TDRD9: variants seen among roughly 807,000 people sequenced by gnomAD.
TDRD9 encodes the protein tudor domain containing 9, also known as ATP-dependent RNA helicase TDRD9.
A neutral mutation model predicts 172.6 loss-of-function variants in TDRD9; 124 were observed. The observed-to-expected ratio is 0.72, with a 90% CI of 0.62 to 0.83. The LOEUF (loss-of-function observed/expected upper bound fraction) is 0.83, where lower values mean the gene tolerates loss of function less well. Ranked by LOEUF, TDRD9 falls within the 40% of genes least tolerant of loss-of-function variation. The pLI, the probability that TDRD9 is intolerant of heterozygous loss-of-function variation, is 0.00. For synonymous variants in TDRD9, 619 were observed against 617.1 expected (o/e 1.00, Z -0.05); for missense variants, 1,479 against 1,714.1 (o/e 0.86, Z 2.42).
intron 34 of TDRD9, among the ~76,000 whole-genome samples, chr14:104,043,840 G>C (rs1216731723): frequency 6.6e-6 from 1 of 152,166 alleles, no homozygotes; most frequent in African/African-American, 2.4e-5. Context: ...CATAAGTATT[G>C]TCGGGAAAGG....
Position 104,034,379 on chromosome 14 carries a change from A to G in TDRD9, c.3619+310A>G, listed in dbSNP as rs1043543596. Among the ~76,000 whole-genome samples the G allele has an allele frequency of 2.0e-5, 3 of 151,774 alleles. 1 individual carries two copies. Among genetic ancestry groups the G allele is most frequent in the Non-Finnish European group, 4.4e-5 (3 of 67,938 alleles). On this transcript the variant is annotated intron_variant, in intron 31 of 35. Coordinates refer to ENST00000409874, the MANE Select transcript of TDRD9 (RefSeq NM_153046.3). ...CTAATTTTTTGTATTTTTAGTAGAG[A>G]TGGGGTTTCACTGTGTTAGCCAGGA... is the stretch of plus-strand genomic sequence containing the variant.
intron 7 of TDRD9, among the ~76,000 whole-genome samples, 153 bp downstream of exon 7, chr14:103,975,706 G>A (rs749867643): frequency 3.9e-5 from 6 of 152,140 alleles, no homozygotes; most frequent in Non-Finnish European, 8.8e-5. Flanking sequence ...GTATAGTGTG[G>A]TATTTTGATA....
chr14:104,035,064 C>T lies in TDRD9; in HGVS notation c.3716+8C>T. On this transcript the variant is annotated splice_region_variant and intron_variant, in intron 32 of 35. Coordinates refer to ENST00000409874, the MANE Select transcript of TDRD9 (RefSeq NM_153046.3). ...ACCGGTGATAGAGTTAAGGTACGGG[C>T]ATCCCTCTTGTCTATAGGCTTTGTA... 1 of 1,548,848 alleles carries T rather than the reference C, an allele frequency of 6.5e-7. No individual in the cohort carries two copies.
rs58128911 is a variant in TDRD9 at position 104,025,468 on chromosome 14, T to A, written c.2719-96T>A. ...GAGGATTAACGCTGGTGAGGTGTCG[T>A]ACAGCACAGGGTGTCAGCCCTATGA... On this transcript the variant is annotated intron_variant, in intron 25 of 35. Coordinates refer to ENST00000409874, the MANE Select transcript of TDRD9 (RefSeq NM_153046.3). 4.4e-6 allele frequency: 4 copies of A among 902,924 alleles called. No homozygotes were observed. In the African/African-American group the frequency reaches 5.0e-5, roughly 11 times the overall value. 55.9% of individuals were successfully genotyped at this position (902,924 alleles called of 1,614,324 possible).
rs997769877 is a variant in TDRD9 at position 104,026,089 on chromosome 14, CAT to C, written c.2975_2976del (p.His992ProfsTer11). 6.2e-7 allele frequency: 1 copy of C among 1,611,408 alleles called. No individual in the cohort carries two copies. The highest frequency in any genetic ancestry group is 8.5e-7 in the Non-Finnish European group (1 of 1,177,738). On this transcript the variant is annotated frameshift_variant, in exon 27 of 36. Transcript: ENST00000409874. LOFTEE classifies it high-confidence loss of function. ...DYGNKSHVDL[H>X]LLMEIPCQFL... ...TGGCAATAAGTCTCATGTAGATCTA[CAT>C]CTTTTGATGGAGATTCCCTGTCAAT...
chr14:104,012,658 C>A (rs2034649627), intron 20 of TDRD9, among the ~76,000 whole-genome samples: 1 of 152,160 alleles, frequency 6.6e-6, no homozygotes, highest in African/African-American at 2.4e-5. Flanking sequence ...TTATGAGCAG[C>A]TTTAGCCACC....
intron 8 of TDRD9, among the ~76,000 whole-genome samples, chr14:103,990,318 G>T (rs951665554): frequency 6.6e-6 from 1 of 152,214 alleles, no homozygotes; most frequent in Non-Finnish European, 1.5e-5. Flanking sequence ...GACCATGGAT[G>T]CTGAGCTGCC....
intron 28 of TDRD9, among the ~76,000 whole-genome samples, chr14:104,028,879 G>A (rs1252040036): frequency 6.6e-6 from 1 of 152,174 alleles, no homozygotes; most frequent in African/African-American, 2.4e-5. Context: ...TAGGGGTTTA[G>A]TGTTATTCTT....
chr14:104,022,729 A>AAAAT lies in TDRD9; in HGVS notation c.2606+431_2606+434dup, dbSNP rs139166055. ...GCGACAGAACAAGACGCTGTCTTAAAAAATAAATAAATAAATAAATAAATA... is the reference window on the plus strand; with the variant it reads ...GCGACAGAACAAGACGCTGTCTTAAAAAATAAATAAATAAATAAATAAATAAATA... On this transcript the variant is annotated intron_variant, in intron 24 of 35. Coordinates refer to ENST00000409874, the MANE Select transcript of TDRD9 (RefSeq NM_153046.3). Among the ~76,000 whole-genome samples, 823 of 145,974 alleles carry AAAAT rather than the reference A, an allele frequency of 5.6e-3. 6 individuals carry two copies. Among genetic ancestry groups the AAAAT allele is most frequent in the African/African-American group, 0.014 (571 of 39,460 alleles).
intron 19 of TDRD9, among the ~76,000 whole-genome samples, chr14:104,007,809 G>A (rs907478839): frequency 1.3e-5 from 2 of 151,268 alleles, no homozygotes; most frequent in African/African-American, 2.4e-5. Flanking sequence ...ACGGAGTCTC[G>A]GTCTGTCGCC....
intron 22 of TDRD9, 29 bp downstream of exon 22, chr14:104,016,117 T>C: frequency 7.0e-7 from 1 of 1,421,656 alleles, no homozygotes; most frequent in Non-Finnish European, 9.7e-7. Context: ...CCGTCCTCTC[T>C]GGGGTGTGGT....
chr14:104,014,935 A>G, intron 21 of TDRD9, 94 bp downstream of exon 21: 1 of 698,776 alleles, frequency 1.4e-6, no homozygotes, highest in Non-Finnish European at 2.4e-6. Flanking sequence ...TTTCTGATAC[A>G]AACCAAACCT....
At chr14:103,939,243 T>C (rs17101944) in intron 1 of TDRD9, among the ~76,000 whole-genome samples, 3,481 of 152,324 alleles carry the variant, frequency 0.023, 79 homozygotes, top group East Asian at 0.071. Flanking sequence ...TCCTGGTATG[T>C]ATGGTGGGAT....
chr14:103,948,755 C>T (rs1417424350), intron 1 of TDRD9, among the ~76,000 whole-genome samples: 3 of 151,968 alleles, frequency 2.0e-5, no homozygotes, highest in Non-Finnish European at 4.4e-5. Flanking sequence ...CCTGTAGTTC[C>T]TTCTACTTAG....
chr14:104,008,722 GT>G (rs762716062), intron 20 of TDRD9, among the ~76,000 whole-genome samples: 2 of 152,128 alleles, frequency 1.3e-5, no homozygotes, highest in Non-Finnish European at 2.9e-5. Context: ...AGGAATGGTT[GT>G]GTCATCTTGT....
intron 1 of TDRD9, among the ~76,000 whole-genome samples, chr14:103,933,754 A>C (rs2030559118): frequency 6.6e-6 from 1 of 152,124 alleles, no homozygotes; most frequent in East Asian, 1.9e-4. Flanking sequence ...ACTGAAGTTG[A>C]ATGCCTGCTG....
chr14:104,039,113 C>T (rs1231848311), intron 32 of TDRD9, among the ~76,000 whole-genome samples: 3 of 152,126 alleles, frequency 2.0e-5, no homozygotes, highest in Non-Finnish European at 4.4e-5. Flanking sequence ...AAAGCAAACA[C>T]GTTCTTCTTC....
chr14:103,993,236 A>G (rs985315318), intron 9 of TDRD9, among the ~76,000 whole-genome samples: 10 of 151,846 alleles, frequency 6.6e-5, no homozygotes, highest in African/African-American at 2.4e-4. Context: ...GAAGTGATCC[A>G]CCTGCCTCAG....
intron 15 of TDRD9, among the ~76,000 whole-genome samples, chr14:104,006,139 AGAATT>A (rs543250338): frequency 3.2e-4 from 48 of 152,234 alleles, no homozygotes; most frequent in Non-Finnish European, 5.1e-4. Context: ...TGAGGTGAGT[AGAATT>A]CTGTGAAAGT....
Sources: gnomAD v4.1 joint callset for allele counts (sites outside exome capture counted in the v4.1 genomes callset) on GRCh38, gnomAD v4.1.1 for gene constraint, MANE v1.5 for transcripts, NCBI Gene and HGNC (gene_info 2026-07-23, HGNC 2026-07-21) for gene names.